ASAH2: variants seen among roughly 807,000 people sequenced by gnomAD.
ASAH2 encodes N-acylsphingosine amidohydrolase 2, also known as neutral ceramidase.
In ASAH2, 58 loss-of-function variants were observed where a neutral mutation model predicts 82.9. The ratio of observed to expected loss-of-function variants is 0.70; its 90% CI spans 0.57 to 0.87. ASAH2 has a LOEUF of 0.87. Among genes scored for constraint, ASAH2 ranks in the 40% least tolerant of loss-of-function variants. The probability of loss-of-function intolerance (pLI) is 0.00; values close to 1 mark genes in which losing one functional copy is unlikely to be tolerated. For synonymous variants in ASAH2, 276 were observed against 289.7 expected, an observed-to-expected ratio of 0.95 and a Z score of 0.48; for missense variants, 779 against 834.0, an observed-to-expected ratio of 0.93 and a Z score of 0.81.
At chr10:50,233,643 C>T (rs1263296464) in intron 6 of ASAH2, among the ~76,000 whole-genome samples, 9 of 152,154 alleles carry the variant, frequency 5.9e-5, no homozygotes, top group Non-Finnish European at 8.8e-5. Flanking sequence ...GCATTCAAGA[C>T]CTGCAACTTA....
chr10:50,204,638 T>A (rs1233133595), intron 14 of ASAH2, among the ~76,000 whole-genome samples: 3 of 151,972 alleles, frequency 2.0e-5, no homozygotes, highest in Non-Finnish European at 4.4e-5. Flanking sequence ...AAGTTTTTTT[T>A]AATTTTCATG....
Position 50,198,970 on chromosome 10 carries a change from A to G in ASAH2, c.1857+81T>C. 4.0e-6 allele frequency: 6 copies of G among 1,482,790 alleles called. No individual in the cohort carries two copies. The South Asian group carries it at 6.8e-5, about 17-fold the overall frequency. The allele number at this position is 1,482,790 out of a possible 1,614,324, so 91.9% of individuals were successfully genotyped here. ...CACTTCCCTCTGCATTTTCTTACCC[A>G]GACACAGACACATACAGACATACAC... is the stretch of plus-strand genomic sequence containing the variant. On this transcript the variant is annotated intron_variant, in intron 17 of 20. Coordinates refer to ENST00000682911, the MANE Select transcript of ASAH2 (RefSeq NM_019893.4).
chr10:50,243,684 C>T (rs1256164841), intron 3 of ASAH2, among the ~76,000 whole-genome samples: 2 of 152,176 alleles, frequency 1.3e-5, no homozygotes, highest in Admixed American at 1.3e-4. Context: ...CACGAGAGAT[C>T]TTTCTGGCCT....
At chr10:50,234,599 TG>T in intron 5 of ASAH2, 47 bp from the exon 6 acceptor site, 1 of 1,611,850 alleles carries the variant, frequency 6.2e-7, no homozygotes, top group Non-Finnish European at 8.5e-7. Context: ...GAAATCCTGG[TG>T]GGGACAATAA....
chr10:50,199,030 G>T, intron 17 of ASAH2, 21 bp downstream of exon 17: 1 of 1,610,616 alleles, frequency 6.2e-7, no homozygotes, highest in Non-Finnish European at 8.5e-7. Flanking sequence ...GCGCATGCAC[G>T]CACAAACAAT....
intron 12 of ASAH2, among the ~76,000 whole-genome samples, chr10:50,209,799 T>A (rs1336820651): frequency 6.6e-6 from 1 of 152,144 alleles, no homozygotes; most frequent in African/African-American, 2.4e-5. Context: ...TTTGACATCA[T>A]TAATTATTAG....
chr10:50,243,886 G>C (rs1375664900), intron 3 of ASAH2, among the ~76,000 whole-genome samples: 2 of 152,162 alleles, frequency 1.3e-5, no homozygotes, highest in Admixed American at 1.3e-4. Flanking sequence ...CTTCACAGAG[G>C]GTACCTCGCC....
At chr10:50,233,112 A>G in intron 7 of ASAH2, 72 bp downstream of exon 7, 1 of 1,116,628 alleles carries the variant, frequency 9.0e-7, no homozygotes, top group Non-Finnish European at 1.4e-6. Context: ...GTACTATTCT[A>G]GTCTCTTTTC....
chr10:50,206,468 G>T (rs1375396046), intron 12 of ASAH2, among the ~76,000 whole-genome samples: 1 of 148,430 alleles, frequency 6.7e-6, no homozygotes, highest in Non-Finnish European at 1.5e-5. Context: ...GAAAAATTAC[G>T]CCTCCAACTC....
chr10:50,233,840 T>TA (rs1156608809), intron 6 of ASAH2, among the ~76,000 whole-genome samples: 1 of 152,194 alleles, frequency 6.6e-6, no homozygotes, highest in South Asian at 2.1e-4. Context: ...GTTCATCACT[T>TA]AAAAAAAGAC....
rs917544762 is a variant in ASAH2, at chr10:50,236,157, C to T, written c.511-93G>A. 5.2e-5 allele frequency: 55 copies of T among 1,066,080 alleles called. No individual in the cohort carries two copies. In the African/African-American group the frequency reaches 8.1e-4, roughly 16 times the overall value. The allele number at this position is 1,066,080 out of a possible 1,614,324, so 66.0% of individuals were successfully genotyped here. On this transcript the variant is annotated intron_variant, in intron 4 of 20. Coordinates refer to ENST00000682911, the MANE Select transcript of ASAH2 (RefSeq NM_019893.4). ...TGATGAGTTCAATCACTGATCCATA[C>T]CAATAACATCTGTATTAGTCCATTC...
At chr10:50,250,033 G>T (rs956599909) in intron 1 of ASAH2, among the ~76,000 whole-genome samples, 1 of 152,140 alleles carries the variant, frequency 6.6e-6, no homozygotes. Flanking sequence ...AGCATTCAGA[G>T]TTTATAAAGA....
chr10:50,234,871 A>G (rs1463963539), intron 5 of ASAH2, among the ~76,000 whole-genome samples: 1 of 152,114 alleles, frequency 6.6e-6, no homozygotes, highest in Non-Finnish European at 1.5e-5. Context: ...AGATAGCCAA[A>G]ATGGGAGACT....
chr10:50,240,519 C>T (rs538232812), intron 4 of ASAH2: 143 of 702,258 alleles, frequency 2.0e-4, no homozygotes, highest in African/African-American at 2.0e-3. Context: ...TACATCACTC[C>T]GCCACTCAGA....
At chr10:50,234,810 C>T (rs1045498438) in intron 5 of ASAH2, among the ~76,000 whole-genome samples, 16 of 152,074 alleles carry the variant, frequency 1.1e-4, no homozygotes, top group Non-Finnish European at 2.4e-4. Flanking sequence ...CACAAAAAGT[C>T]TCAACTCCTG....
rs370340088 is a variant in ASAH2 at position 50,245,379 on chromosome 10, G to A, written c.203C>T (p.Thr68Ile). Residue 68 changes from threonine (T) to isoleucine (I), a missense_variant, in exon 3 of 21, where the codon ACA (threonine) becomes ATA (isoleucine). Physicochemically the swap from Thr to Ile is moderately conservative, Grantham distance 89. Transcript: ENST00000682911. ...GGTGGCTGTGGAATGCTGGGTGGCT[G>A]TGGAGCGTTGGGCAGCTGTGGAGCC... ...TQGSTAAQRS[T>I]ATQHSTATQS... The A allele has an allele frequency of 6.2e-7, 1 of 1,613,862 alleles. No individual in the cohort carries two copies. Among genetic ancestry groups the A allele is most frequent in the African/African-American group, 1.3e-5 (1 of 74,898 alleles).
intron 7 of ASAH2, among the ~76,000 whole-genome samples, chr10:50,220,426 G>A (rs997824193): frequency 5.3e-5 from 8 of 152,244 alleles, no homozygotes; most frequent in South Asian, 2.1e-4. Context: ...CATATACACC[G>A]TGGAATACTA....
At chr10:50,224,583 TTGC>T (rs1845833378) in intron 7 of ASAH2, among the ~76,000 whole-genome samples, 118 of 152,256 alleles carry the variant, frequency 7.8e-4, no homozygotes, top group African/African-American at 2.8e-3. Flanking sequence ...CCAGTCTCAT[TTGC>T]AAGGTGGGGC....
intron 7 of ASAH2, among the ~76,000 whole-genome samples, chr10:50,225,732 C>T (rs1845865675): frequency 6.6e-6 from 1 of 152,128 alleles, no homozygotes; most frequent in African/African-American, 2.4e-5. Flanking sequence ...TTCTCTTTGG[C>T]TCAGGAATCC....
Sources: allele counts gnomAD v4.1 joint callset (sites outside exome capture counted in the v4.1 genomes callset), GRCh38; gene constraint gnomAD v4.1.1; transcripts MANE v1.5; gene names NCBI Gene and HGNC (gene_info 2026-07-23, HGNC 2026-07-21).